Variants in NPR3 observed in about 807,000 individuals in gnomAD.
NPR3 encodes atrial natriuretic peptide receptor 3.
A neutral mutation model predicts 54.5 loss-of-function variants in NPR3; 34 were observed. The ratio of observed to expected loss-of-function variants is 0.62; its 90% CI spans 0.47 to 0.83. The LOEUF is 0.83. Ranked by LOEUF, NPR3 falls within the 40% of genes least tolerant of loss-of-function variation. NPR3 has a pLI of 0.00. For missense variants in NPR3, 674 were observed against 720.8 expected (o/e 0.94, Z 0.74); for synonymous variants, 289 against 297.1 (o/e 0.97, Z 0.28).
At chr5:32,720,712 A>G (rs988234190) in intron 1 of NPR3, among the ~76,000 whole-genome samples, 5 of 152,172 alleles carry the variant, frequency 3.3e-5, no homozygotes, top group African/African-American at 1.2e-4. Flanking sequence ...CTGAGATACA[A>G]CAAAAACTGC....
At chr5:32,744,686 C>T (rs1303065484) in intron 3 of NPR3, among the ~76,000 whole-genome samples, 3 of 152,176 alleles carry the variant, frequency 2.0e-5, no homozygotes, top group African/African-American at 7.2e-5. Context: ...TTTGTGCCTA[C>T]CGCATGCAGT....
intron 1 of NPR3, among the ~76,000 whole-genome samples, chr5:32,701,489 G>C (rs907132284): frequency 2.0e-5 from 3 of 152,166 alleles, no homozygotes; most frequent in Admixed American, 6.5e-5. Flanking sequence ...ACGTATCTTT[G>C]TCTTCCCAGG....
At chr5:32,771,490 C>T (rs190281473) in intron 3 of NPR3, among the ~76,000 whole-genome samples, 1 of 152,180 alleles carries the variant, frequency 6.6e-6, no homozygotes. Context: ...AATCTTTCTT[C>T]CTATCCTGGA....
rs781668221 is a variant in NPR3, at chr5:32,780,824, C to T, written c.1290+8C>T. 2.3e-5 allele frequency: 30 copies of T among 1,295,254 alleles called. No homozygotes were observed. In the Middle Eastern group the frequency reaches 1.5e-3, roughly 63 times the overall value. The allele number at this position is 1,295,254 out of a possible 1,614,324, so 80.2% of individuals were successfully genotyped here. ...GAGGCGGGCACCCAGGAGGTGAGCA[C>T]GTGAGACCTCTGCACCAGTTGCTCC... On this transcript the variant is annotated splice_region_variant and intron_variant, in intron 5 of 7. Coordinates refer to ENST00000265074, the MANE Select transcript of NPR3 (RefSeq NM_001204375.2).
At chr5:32,727,795 A>C (rs555413832) in intron 2 of NPR3, among the ~76,000 whole-genome samples, 1 of 152,244 alleles carries the variant, frequency 6.6e-6, no homozygotes, top group East Asian at 1.9e-4. Flanking sequence ...TAACAATGAC[A>C]GTTTTTTTCT....
intron 3 of NPR3, among the ~76,000 whole-genome samples, chr5:32,759,031 G>T (rs1741005166): frequency 6.6e-6 from 1 of 152,184 alleles, no homozygotes; most frequent in Admixed American, 6.5e-5. Context: ...CAACTATGTG[G>T]TCAATTTTGG....
At chr5:32,771,888 G>T (rs1398697556) in intron 3 of NPR3, among the ~76,000 whole-genome samples, 1 of 151,934 alleles carries the variant, frequency 6.6e-6, no homozygotes, top group Non-Finnish European at 1.5e-5. Context: ...ATGACTCTGT[G>T]ATTCTCTGAC....
At chr5:32,714,994 T>A (rs1349082760) in intron 1 of NPR3, among the ~76,000 whole-genome samples, 1 of 152,164 alleles carries the variant, frequency 6.6e-6, no homozygotes, top group Non-Finnish European at 1.5e-5. Context: ...AACCCAGGAA[T>A]GCCTGGGAGC....
At chr5:32,732,933 C>A (rs1015367369) in intron 2 of NPR3, among the ~76,000 whole-genome samples, 9 of 152,090 alleles carry the variant, frequency 5.9e-5, no homozygotes, top group African/African-American at 2.2e-4. Context: ...CAACCTCTGC[C>A]TCCTATGTTC....
intron 3 of NPR3, among the ~76,000 whole-genome samples, chr5:32,771,712 C>G (rs953654582): frequency 6.6e-6 from 1 of 152,120 alleles, no homozygotes; most frequent in African/African-American, 2.4e-5. Flanking sequence ...TAAACGAGGC[C>G]TGTCTTAGGA....
At chr5:32,768,790 G>A (rs1162361271) in intron 3 of NPR3, among the ~76,000 whole-genome samples, 1 of 152,194 alleles carries the variant, frequency 6.6e-6, no homozygotes, top group Non-Finnish European at 1.5e-5. Context: ...CTGAGTCCAC[G>A]ATGGGGACAG....
chr5:32,782,432 G>C (rs1293891742), intron 5 of NPR3, among the ~76,000 whole-genome samples: 6 of 152,140 alleles, frequency 3.9e-5, no homozygotes, highest in African/African-American at 1.2e-4. Context: ...GTGGGATAGT[G>C]CCTTATCCGA....
At position 32,789,541 on chromosome 5, in the gene NPR3, T is replaced by C; in HGVS notation, c.*3196T>C. ...ATGTTTAATGGAGGGAAGAGAGAAA[T>C]GCATGGGAAAAGAACACCTCCTTTT... On this transcript the variant is annotated 3_prime_UTR_variant, in exon 8 of 8. Transcript: ENST00000265074. 1.9e-6 allele frequency: 1 copy of C among 534,664 alleles called. No homozygotes were observed. Among genetic ancestry groups the C allele is most frequent in the South Asian group, 1.4e-5 (1 of 71,588 alleles). The allele number at this position is 534,664 out of a possible 1,614,324, so 33.1% of individuals were successfully genotyped here.
chr5:32,782,988 C>G lies in NPR3; in HGVS notation c.1386C>G (p.Asn462Lys), dbSNP rs768780462. The G allele has an allele frequency of 4.4e-6, 7 of 1,607,060 alleles. No homozygotes were observed. In the South Asian group the frequency reaches 7.8e-5, roughly 18 times the overall value. The change falls in exon 6 of 8, where the codon AAC (asparagine) becomes AAG (lysine). Residue 462 changes from asparagine (N) to lysine (K), a missense_variant. Transcript: ENST00000265074. ...CTTTAAAACTGAGAATAGATGAAAA[C>G]CGAATTGTAGAGCATACAAACAGCT... is the stretch of plus-strand genomic sequence containing the variant. Reference protein sequence around the residue: ...WGPLKLRIDENRIVEHTNSSP... With the variant: ...WGPLKLRIDEKRIVEHTNSSP...
chr5:32,770,383 T>C (rs1248878670), intron 3 of NPR3, among the ~76,000 whole-genome samples: 1 of 151,564 alleles, frequency 6.6e-6, no homozygotes, highest in African/African-American at 2.4e-5. Flanking sequence ...TGAGCTGAGA[T>C]TGCACCACTG....
chr5:32,706,064 T>A (rs948224349), upstream of NPR3, among the ~76,000 whole-genome samples: 1 of 151,914 alleles, frequency 6.6e-6, no homozygotes, highest in African/African-American at 2.4e-5. Flanking sequence ...CATGGGGGCG[T>A]ATCCCTCATG....
At chr5:32,708,799 T>C (rs1738065028), upstream of NPR3, among the ~76,000 whole-genome samples, 1 of 152,234 alleles carries the variant, frequency 6.6e-6, no homozygotes, top group Non-Finnish European at 1.5e-5. Flanking sequence ...TTGGTGGGTC[T>C]TCCCATAATC....
intron 3 of NPR3, among the ~76,000 whole-genome samples, chr5:32,772,905 C>A (rs181784703): frequency 1.3e-5 from 2 of 152,310 alleles, no homozygotes; most frequent in East Asian, 3.9e-4. Context: ...GGATTTTTAA[C>A]CATTTTTCTA....
At chr5:32,746,138 T>A (rs182245395) in intron 3 of NPR3, among the ~76,000 whole-genome samples, 1 of 152,362 alleles carries the variant, frequency 6.6e-6, no homozygotes, top group Admixed American at 6.5e-5. Flanking sequence ...TGTGAAAATA[T>A]CCATGTTTCC....
Sources: allele counts gnomAD v4.1 joint callset (sites outside exome capture counted in the v4.1 genomes callset), GRCh38; gene constraint gnomAD v4.1.1; transcripts MANE v1.5; gene names NCBI Gene and HGNC (gene_info 2026-07-23, HGNC 2026-07-21).